CLDN14: variants seen among roughly 807,000 people sequenced by gnomAD.
The protein encoded by CLDN14 is claudin-14.
Under a neutral mutation model 2.1 loss-of-function variants are expected in CLDN14, and 2 were observed. That is an observed-to-expected ratio of 0.96 (90% CI 0.39 to 3.01). The LOEUF (loss-of-function observed/expected upper bound fraction) is 3.01, where lower values mean the gene tolerates loss of function less well. CLDN14 is among the 30% of genes most tolerant of loss of function. The probability of loss-of-function intolerance (pLI) is 0.09; values close to 1 mark genes in which losing one functional copy is unlikely to be tolerated. For missense variants in CLDN14, 298 were observed against 328.0 expected (o/e 0.91, Z 0.71); for synonymous variants, 136 against 154.4 (o/e 0.88, Z 0.88).
In CLDN14 at chr21:36,461,701, G is replaced by A. The variant is rs956380527; in HGVS notation, c.-6C>T. ...TGCACGGCCGTGCTGGCCATGGTGC[G>A]GCTGCCTGCCTAGGCCAGCCGGGCA... On this transcript the variant is annotated 5_prime_UTR_variant, in exon 2 of 2. Transcript: ENST00000399135. 1.9e-5 allele frequency: 30 copies of A among 1,549,098 alleles called. No individual in the cohort carries two copies. The highest frequency in any genetic ancestry group is 3.9e-5 in the Admixed American group (2 of 51,064).
intron 1 of CLDN14, chr21:36,466,339 A>C (rs200809491): frequency 6.6e-6 from 1 of 152,220 alleles, no homozygotes. Flanking sequence ...CGGGTAATTT[A>C]TAAAGGAAAG....
At chr21:36,512,590 G>T (rs926605404) in intron 1 of CLDN14, among the ~76,000 whole-genome samples, 1 of 152,238 alleles carries the variant, frequency 6.6e-6, no homozygotes, top group African/African-American at 2.4e-5. Context: ...GGATCCGTAT[G>T]TACTCAGACT....
At chr21:36,473,144 T>C (rs987338976) in intron 1 of CLDN14, among the ~76,000 whole-genome samples, 7 of 151,806 alleles carry the variant, frequency 4.6e-5, no homozygotes, top group Non-Finnish European at 1.0e-4. Flanking sequence ...AGATGGGCTC[T>C]TGCTATATTG....
chr21:36,486,895 G>A, intron 2 of CLDN14: 1 of 655,462 alleles, frequency 1.5e-6, no homozygotes, highest in East Asian at 3.3e-5. Context: ...GATGCGGCCG[G>A]TGTCTAGAGT....
intron 1 of CLDN14, among the ~76,000 whole-genome samples, chr21:36,540,692 T>A (rs1216305934): frequency 6.6e-6 from 1 of 152,084 alleles, no homozygotes; most frequent in East Asian, 1.9e-4. Context: ...TGGAGACATC[T>A]TGTGAGGTAC....
chr21:36,488,015 G>A (rs2086914982), intron 2 of CLDN14, among the ~76,000 whole-genome samples: 1 of 152,218 alleles, frequency 6.6e-6, no homozygotes, highest in South Asian at 2.1e-4. Flanking sequence ...CACCTTCATA[G>A]CAGCATTATT....
At chr21:36,558,383 C>T (rs886149183) in intron 1 of CLDN14, among the ~76,000 whole-genome samples, 1 of 151,996 alleles carries the variant, frequency 6.6e-6, no homozygotes, top group Non-Finnish European at 1.5e-5. Flanking sequence ...TAGTATGAAT[C>T]TTTTTAAACA....
intron 1 of CLDN14, among the ~76,000 whole-genome samples, chr21:36,539,854 A>AGT (rs1235942642): frequency 7.0e-6 from 1 of 142,142 alleles, no homozygotes; most frequent in African/African-American, 2.7e-5. Context: ...GTGCAGAGTG[A>AGT]GTGTGTGTGT....
chr21:36,470,893 T>C lies in CLDN14; in HGVS notation c.-82+8602A>G, dbSNP rs115064780. Among the ~76,000 whole-genome samples, 928 of 152,322 alleles carry C rather than the reference T, an allele frequency of 6.1e-3. 8 individuals carry two copies. The highest frequency in any genetic ancestry group is 0.02 in the African/African-American group (817 of 41,568). On this transcript the variant is annotated intron_variant, in intron 1 of 1. Transcript: ENST00000399135. ...TTGGAAGCTGAGGTGGGAGGATGGC[T>C]TGAGCCTGGGAGGCATAGATTGCAA...
intron 1 of CLDN14, among the ~76,000 whole-genome samples, chr21:36,520,138 G>C (rs937265155): frequency 6.6e-5 from 10 of 152,060 alleles, no homozygotes; most frequent in African/African-American, 2.4e-4. Flanking sequence ...GTCCTCCTCA[G>C]CCTGTCGCTG....
chr21:36,467,286 G>A (rs1267378683), intron 1 of CLDN14, among the ~76,000 whole-genome samples: 1 of 152,158 alleles, frequency 6.6e-6, no homozygotes, highest in Non-Finnish European at 1.5e-5. Flanking sequence ...CCCCAGCTGC[G>A]TCAACTTTGG....
chr21:36,486,586 T>C, intron 2 of CLDN14: 1 of 1,552,816 alleles, frequency 6.4e-7, no homozygotes, highest in Non-Finnish European at 8.9e-7. Flanking sequence ...CAGGAGGCAC[T>C]GCCACCAGAT....
chr21:36,571,032 G>C (rs2087706423), intron 1 of CLDN14, among the ~76,000 whole-genome samples: 1 of 152,162 alleles, frequency 6.6e-6, no homozygotes, highest in African/African-American at 2.4e-5. Context: ...AGTAGAGACA[G>C]GGTTTCACCA....
chr21:36,510,835 G>T (rs2087180002), intron 1 of CLDN14, among the ~76,000 whole-genome samples: 1 of 152,250 alleles, frequency 6.6e-6, no homozygotes, highest in Non-Finnish European at 1.5e-5. Flanking sequence ...CCCACATGGG[G>T]TGTTGGGGAC....
At position 36,461,570 on chromosome 21, in the gene CLDN14, C is replaced by T. The variant is rs140177046; in HGVS notation, c.126G>A (p.Thr42=). The T allele has an allele frequency of 4.3e-5, 69 of 1,612,790 alleles. No individual in the cohort carries two copies. The highest frequency in any genetic ancestry group is 1.6e-4 in the Middle Eastern group (1 of 6,084). ...AGAGCCCTTTCAGGTAGGACACGGC[C>T]GTGAGGATGTTGGTGCCCACGTGCG... ...RTAHVGTNIL[T]AVSYLKGLWM... The change falls in exon 2 of 2, where the codon ACG becomes ACA. Residue 42 remains threonine (T), a synonymous_variant. Coordinates refer to ENST00000399135, the MANE Select transcript of CLDN14 (RefSeq NM_001146079.2).
intron 1 of CLDN14, among the ~76,000 whole-genome samples, chr21:36,562,943 C>T (rs1473138284): frequency 6.6e-6 from 1 of 152,038 alleles, no homozygotes; most frequent in Non-Finnish European, 1.5e-5. Flanking sequence ...GGCATGATTT[C>T]GAAGCCATAA....
At chr21:36,514,489 C>T (rs1236009381) in intron 1 of CLDN14, among the ~76,000 whole-genome samples, 1 of 152,168 alleles carries the variant, frequency 6.6e-6, no homozygotes, top group Non-Finnish European at 1.5e-5. Context: ...GTAGATGAGT[C>T]TCCCTGAATT....
At chr21:36,501,609 G>A (rs1329423011) in intron 2 of CLDN14, among the ~76,000 whole-genome samples, 1 of 151,828 alleles carries the variant, frequency 6.6e-6, no homozygotes, top group African/African-American at 2.4e-5. Flanking sequence ...AGATCTCCTC[G>A]CTACTGTTTT....
intron 1 of CLDN14, among the ~76,000 whole-genome samples, chr21:36,564,727 G>A (rs144878686): frequency 1.6e-3 from 244 of 152,330 alleles, no homozygotes; most frequent in Non-Finnish European, 3.0e-3. Context: ...GGGAATTAAG[G>A]TTGCTAACCA....
Sources: allele counts gnomAD v4.1 joint callset (sites outside exome capture counted in the v4.1 genomes callset), GRCh38; gene constraint gnomAD v4.1.1; transcripts MANE v1.5; gene names NCBI Gene and HGNC (gene_info 2026-07-23, HGNC 2026-07-21).